Variants in PAICS observed in about 807,000 individuals in gnomAD.
The protein encoded by PAICS is bifunctional phosphoribosylaminoimidazole carboxylase/phosphoribosylaminoimidazole succinocarboxamide synthetase.
A neutral mutation model predicts 53.7 loss-of-function variants in PAICS; 33 were observed. That is an observed-to-expected ratio of 0.61 (90% CI 0.47 to 0.82). The LOEUF (loss-of-function observed/expected upper bound fraction) is 0.82, where lower values mean the gene tolerates loss of function less well. PAICS is among the 40% of genes least tolerant of loss of function. PAICS has a pLI of 0.00. For missense variants in PAICS, 394 were observed against 494.1 expected (o/e 0.80, Z 1.92); for synonymous variants, 141 against 167.2 (o/e 0.84, Z 1.21).
At position 56,446,685 on chromosome 4, in the gene PAICS, C is replaced by G; in HGVS notation, c.215-10C>G. ...CAATACCTTTTTTAACTTTGGTTAT[C>G]AATATGTAGGTATTAAAACTGCCTT... On this transcript the variant is annotated splice_polypyrimidine_tract_variant and intron_variant, in intron 2 of 8. Transcript: ENST00000512576. 6.5e-7 allele frequency: 1 copy of G among 1,541,476 alleles called. No homozygotes were observed. Among genetic ancestry groups the G allele is most frequent in the Admixed American group, 1.9e-5 (1 of 52,440 alleles).
Position 56,459,575 on chromosome 4 carries a change from C to T in PAICS, c.*37C>T, listed in dbSNP as rs370924640. Reference sequence around the variant, plus strand: ...ATTGAATTTTTTAGGGGAAAAACTACAAATTTCTAATTTAGCTGAAGGAAA... The same window carrying T: ...ATTGAATTTTTTAGGGGAAAAACTATAAATTTCTAATTTAGCTGAAGGAAA... On this transcript the variant is annotated 3_prime_UTR_variant, in exon 9 of 9. Transcript: ENST00000512576. 1.9e-4 allele frequency: 278 copies of T among 1,431,820 alleles called. No individual in the cohort carries two copies. Among genetic ancestry groups the T allele is most frequent in the Middle Eastern group, 6.7e-4 (3 of 4,452 alleles). The allele number at this position is 1,431,820 out of a possible 1,614,324, so 88.7% of individuals were successfully genotyped here.
intron 8 of PAICS, among the ~76,000 whole-genome samples, chr4:56,455,425 C>T (rs1469319583): frequency 1.3e-5 from 2 of 152,190 alleles, no homozygotes; most frequent in Non-Finnish European, 2.9e-5. Flanking sequence ...ACTGGCTTCT[C>T]TCTAGGCATC....
At chr4:56,443,922 G>A (rs1021334701) in intron 2 of PAICS, among the ~76,000 whole-genome samples, 7 of 152,186 alleles carry the variant, frequency 4.6e-5, no homozygotes, top group Admixed American at 3.3e-4. Context: ...CACAGGAAAT[G>A]TTGAAAGATA....
the PAICS span, among the ~76,000 whole-genome samples, chr4:56,427,310 T>C: frequency 6.6e-6 from 1 of 152,200 alleles, no homozygotes; most frequent in Non-Finnish European, 1.5e-5. Flanking sequence ...GTACTGTTTT[T>C]CCACAGCATG....
upstream of PAICS, among the ~76,000 whole-genome samples, chr4:56,430,847 C>G (rs1410656548): frequency 6.6e-6 from 1 of 151,852 alleles, no homozygotes; most frequent in East Asian, 1.9e-4. Flanking sequence ...CAAGATTAAA[C>G]TGATGTTACT....
chr4:56,436,181 C>A (rs1267118797), upstream of PAICS: 1 of 1,507,656 alleles, frequency 6.6e-7, no homozygotes, highest in Non-Finnish European at 8.9e-7. Flanking sequence ...TGTAGCGGAG[C>A]TCGAAAAGAG....
Position 56,446,594 on chromosome 4 carries a change from G to A in PAICS, c.215-101G>A, listed in dbSNP as rs917609675. ...AAAATTACACTTATTTTTGATAGAG[G>A]TTCTTTGTTGCTTGTAAAGGGTAGA... On this transcript the variant is annotated intron_variant, in intron 2 of 8. Coordinates refer to ENST00000512576, the MANE Select transcript of PAICS (RefSeq NM_001079524.2). The A allele has an allele frequency of 4.3e-6, 3 of 696,726 alleles. No homozygotes were observed. The African/African-American group carries it at 5.4e-5, about 13-fold the overall frequency. The allele number at this position is 696,726 out of a possible 1,614,324, so 43.2% of individuals were successfully genotyped here.
intron 8 of PAICS, among the ~76,000 whole-genome samples, chr4:56,458,282 C>CTT (rs35249885): frequency 1.4e-5 from 2 of 146,750 alleles, no homozygotes; most frequent in Admixed American, 6.8e-5. Context: ...CACTAGATAA[C>CTT]TTTTTTTTTT....
chr4:56,432,756 C>T (rs1406938749), upstream of PAICS, among the ~76,000 whole-genome samples: 2 of 147,782 alleles, frequency 1.4e-5, no homozygotes, highest in Admixed American at 1.4e-4. Context: ...CTGAACTCCA[C>T]CCCAGCCTGG....
In PAICS at chr4:56,464,305, TG is replaced by T. The variant is rs769340939; in HGVS notation, c.*4769del. ...TTAACCTTCTGCTCTCAATGAATCT[TG>T]GAAGTCTCCAGAGGCAGACAATTTC... is the stretch of plus-strand genomic sequence containing the variant. On this transcript the variant is annotated 3_prime_UTR_variant, in exon 9 of 9. Transcript: ENST00000512576. 6.6e-6 allele frequency: 1 copy of T among 152,226 alleles called. No homozygotes were observed. The highest frequency in any genetic ancestry group is 1.5e-5 in the Non-Finnish European group (1 of 68,040). The allele number at this position is 152,226 out of a possible 1,614,324, so 9.4% of individuals were successfully genotyped here. A position where few individuals can be genotyped will look rare whatever the true frequency, so the allele number is the denominator to read the frequency against.
At chr4:56,444,292 T>C (rs1718485341) in intron 2 of PAICS, among the ~76,000 whole-genome samples, 2 of 152,186 alleles carry the variant, frequency 1.3e-5, no homozygotes, top group Non-Finnish European at 2.9e-5. Context: ...GTGTTATAAC[T>C]GTGTTATACA....
intron 8 of PAICS, among the ~76,000 whole-genome samples, chr4:56,455,717 GTC>G (rs1370306291): frequency 2.0e-5 from 3 of 152,166 alleles, no homozygotes; most frequent in Non-Finnish European, 4.4e-5. Context: ...TTACTCCACT[GTC>G]TCCTAGCATC....
intron 2 of PAICS, among the ~76,000 whole-genome samples, chr4:56,443,052 C>G (rs1433190202): frequency 3.3e-5 from 5 of 152,112 alleles, no homozygotes; most frequent in Admixed American, 3.3e-4. Flanking sequence ...GTCACAGAAT[C>G]TAAGATTTTT....
At chr4:56,455,781 T>C (rs186301287) in intron 8 of PAICS, among the ~76,000 whole-genome samples, 10 of 152,334 alleles carry the variant, frequency 6.6e-5, no homozygotes, top group Admixed American at 5.2e-4. Context: ...AGGTTTCTTA[T>C]GAATTTTGTT....
At chr4:56,443,407 C>T (rs556006995) in intron 2 of PAICS, among the ~76,000 whole-genome samples, 26 of 152,234 alleles carry the variant, frequency 1.7e-4, no homozygotes, top group East Asian at 5.8e-4. Context: ...AGGCTGGTTT[C>T]GAACTGCTGG....
upstream of PAICS, chr4:56,436,209 GCCCCGCCTCCTT>G (rs943917110): frequency 1.3e-6 from 2 of 1,531,588 alleles, no homozygotes; most frequent in African/African-American, 2.8e-5. Context: ...GGGTCGCGCG[GCCCCGCCTCCTT>G]CCCCGCCCAG....
chr4:56,436,190 A>G, upstream of PAICS: 1 of 1,514,436 alleles, frequency 6.6e-7, no homozygotes, highest in Non-Finnish European at 8.9e-7. Context: ...GCTCGAAAAG[A>G]GTGGCGCAGG....
Position 56,460,728 on chromosome 4 carries a change from C to G in PAICS, c.*1190C>G, listed in dbSNP as rs535421184. ...GCTCACACCTACGATCACAGCACTTCGGGAGGCTGAAGCAAGCAGATCACT... is the reference window on the plus strand; with the variant it reads ...GCTCACACCTACGATCACAGCACTTGGGGAGGCTGAAGCAAGCAGATCACT... On this transcript the variant is annotated 3_prime_UTR_variant, in exon 9 of 9. Transcript: ENST00000512576. 1 of 152,134 alleles carries G rather than the reference C, an allele frequency of 6.6e-6. No individual in the cohort carries two copies. 9.4% of individuals were successfully genotyped at this position (152,134 alleles called of 1,614,324 possible).
At chr4:56,449,882 A>G (rs548413183) in intron 5 of PAICS, among the ~76,000 whole-genome samples, 65 of 151,514 alleles carry the variant, frequency 4.3e-4, no homozygotes, top group African/African-American at 1.5e-3. Context: ...AGGCTGAGGC[A>G]GAGAATTGTT....
Sources: allele counts gnomAD v4.1 joint callset (sites outside exome capture counted in the v4.1 genomes callset), GRCh38; gene constraint gnomAD v4.1.1; transcripts MANE v1.5; gene names NCBI Gene and HGNC (gene_info 2026-07-23, HGNC 2026-07-21).